The following SMYD3 variants were observed in gnomAD, a reference collection of about 807,000 sequenced individuals.
The protein encoded by SMYD3 is histone-lysine N-methyltransferase SMYD3.
Under a neutral mutation model 57.7 loss-of-function variants are expected in SMYD3, and 36 were observed. The observed-to-expected ratio is 0.62, with a 90% CI of 0.48 to 0.82. SMYD3 has a LOEUF of 0.82. Among genes scored for constraint, SMYD3 ranks in the 40% least tolerant of loss-of-function variants. The pLI, the probability that SMYD3 is intolerant of heterozygous loss-of-function variation, is 0.00. For missense variants in SMYD3, 515 were observed against 538.8 expected, an observed-to-expected ratio of 0.96 and a Z score of 0.44; for synonymous variants, 211 against 195.0, an observed-to-expected ratio of 1.08 and a Z score of -0.68.
chr1:246,424,059 T>C (rs2067183830), intron 1 of SMYD3, among the ~76,000 whole-genome samples: 1 of 152,090 alleles, frequency 6.6e-6, no homozygotes, highest in Non-Finnish European at 1.5e-5. Flanking sequence ...AAGGAAGTTC[T>C]TCAGGTTAAA....
intron 5 of SMYD3, among the ~76,000 whole-genome samples, chr1:246,226,806 G>A (rs2063336983): frequency 6.6e-6 from 1 of 152,096 alleles, no homozygotes; most frequent in Non-Finnish European, 1.5e-5. Context: ...ACTCCAAGAA[G>A]GCAACAGAAT....
At chr1:246,044,626 A>G (rs1405363303) in intron 5 of SMYD3, among the ~76,000 whole-genome samples, 1 of 152,188 alleles carries the variant, frequency 6.6e-6, no homozygotes, top group Non-Finnish European at 1.5e-5. Context: ...TAGCAATTTT[A>G]CCAGAACTCT....
intron 5 of SMYD3, among the ~76,000 whole-genome samples, chr1:246,124,673 C>A (rs1035969698): frequency 1.3e-5 from 2 of 152,008 alleles, no homozygotes; most frequent in African/African-American, 4.8e-5. Context: ...GACATAAGGC[C>A]GGAGAGGGAC....
chr1:245,889,280 A>G (rs925315599), intron 8 of SMYD3, among the ~76,000 whole-genome samples: 1 of 152,230 alleles, frequency 6.6e-6, no homozygotes, highest in Non-Finnish European at 1.5e-5. Context: ...TTATTTTTGC[A>G]TGGCACCATG....
chr1:246,102,755 A>AAAAAATAATAAT (rs200094097), intron 5 of SMYD3, among the ~76,000 whole-genome samples: 10 of 146,922 alleles, frequency 6.8e-5, no homozygotes, highest in African/African-American at 2.5e-4. Context: ...AAAAAAAAAA[A>AAAAAATAATAAT]AATAATAATA....
chr1:245,977,383 A>G (rs961172372), intron 5 of SMYD3, among the ~76,000 whole-genome samples: 4 of 152,130 alleles, frequency 2.6e-5, no homozygotes, highest in African/African-American at 9.7e-5. Context: ...CTTAATCACA[A>G]AACCGAAAGG....
At position 246,202,013 on chromosome 1, in the gene SMYD3, TAA is replaced by T. The variant is rs11433640; in HGVS notation, c.531+125186_531+125187del. ...GGGCAACAGAGACTCTGTCTCAATT[TAA>T]AAAAAAAAAACAAAAAAAAGCCATT... On this transcript the variant is annotated intron_variant, in intron 5 of 11. Transcript: ENST00000490107. The surrounding 1 kb of genome is among the most constrained non-coding windows in gnomAD (Gnocchi z 4.1). Among the ~76,000 whole-genome samples, 1 of 134,832 alleles carries T rather than the reference TAA, an allele frequency of 7.4e-6. No homozygotes were observed. 88.5% of individuals were successfully genotyped at this position (134,832 alleles called of 152,430 possible). A position where few individuals can be genotyped will look rare whatever the true frequency, so the allele number is the denominator to read the frequency against.
intron 5 of SMYD3, among the ~76,000 whole-genome samples, chr1:246,199,105 C>T (rs144208291): frequency 5.2e-4 from 79 of 151,300 alleles, no homozygotes; most frequent in African/African-American, 1.8e-3. Flanking sequence ...GGTAGTTTTT[C>T]AGCCCTTGCC....
chr1:246,283,483 T>C (rs1256082551), intron 5 of SMYD3, among the ~76,000 whole-genome samples: 1 of 152,194 alleles, frequency 6.6e-6, no homozygotes, highest in Non-Finnish European at 1.5e-5. Flanking sequence ...CATCTTGCTT[T>C]CCTTCCTCAC....
intron 5 of SMYD3, among the ~76,000 whole-genome samples, chr1:245,982,920 T>A (rs1294120711): frequency 6.6e-6 from 1 of 152,228 alleles, no homozygotes; most frequent in Non-Finnish European, 1.5e-5. Context: ...AAAGGTTCCC[T>A]TATACAGTTG....
intron 10 of SMYD3, among the ~76,000 whole-genome samples, chr1:245,793,614 T>A (rs1429882562): frequency 6.6e-6 from 1 of 151,590 alleles, no homozygotes; most frequent in African/African-American, 2.4e-5. Flanking sequence ...TCTTGGTCTC[T>A]CAATCCCTGC....
intron 1 of SMYD3, among the ~76,000 whole-genome samples, chr1:246,461,712 C>T (rs2067800322): frequency 1.6e-5 from 2 of 122,694 alleles, no homozygotes; most frequent in South Asian, 2.6e-4. Context: ...CCAGCCTGGG[C>T]AACAGAACTG....
intron 5 of SMYD3, among the ~76,000 whole-genome samples, chr1:246,262,328 T>C (rs1399406317): frequency 6.6e-6 from 1 of 152,236 alleles, no homozygotes; most frequent in Non-Finnish European, 1.5e-5. Context: ...ATCTTGACAT[T>C]GCTTGAGAAT....
intron 5 of SMYD3, among the ~76,000 whole-genome samples, chr1:246,235,521 G>T (rs1005348705): frequency 6.6e-6 from 1 of 151,980 alleles, no homozygotes; most frequent in East Asian, 1.9e-4. Flanking sequence ...GTCAGGCTCT[G>T]CAGGATGTCT....
intron 5 of SMYD3, among the ~76,000 whole-genome samples, chr1:246,217,724 G>GA (rs772526313): frequency 6.6e-6 from 1 of 151,564 alleles, no homozygotes; most frequent in Non-Finnish European, 1.5e-5. Context: ...GTCTAGCTAG[G>GA]AAAAAAAATA....
intron 5 of SMYD3, among the ~76,000 whole-genome samples, chr1:246,312,763 G>A (rs1327198690): frequency 6.6e-6 from 1 of 152,164 alleles, no homozygotes; most frequent in African/African-American, 2.4e-5. Flanking sequence ...CAGGTAACCA[G>A]AGACAAATCA....
At chr1:246,239,973 A>G (rs10924595) in intron 5 of SMYD3, among the ~76,000 whole-genome samples, 40,577 of 151,964 alleles carry the variant, frequency 0.27, 6,113 homozygotes, top group East Asian at 0.58. Flanking sequence ...TAAGTTCTTT[A>G]TAGTTTCTGG....
chr1:246,110,617 GTGCT>G (rs1424312469), intron 5 of SMYD3, among the ~76,000 whole-genome samples: 2 of 152,176 alleles, frequency 1.3e-5, no homozygotes, highest in African/African-American at 2.4e-5. Context: ...GACAGATCTG[GTGCT>G]CTCTCTCTTT....
Position 245,863,895 on chromosome 1 carries a change from G to C in SMYD3, c.814-9C>G, listed in dbSNP as rs772864668. The C allele has an allele frequency of 8.7e-6, 14 of 1,613,036 alleles. No homozygotes were observed. Among genetic ancestry groups the C allele is most frequent in the Non-Finnish European group, 1.0e-5 (12 of 1,179,226 alleles). ...GTTAGCATATCAGCATCCTGCTCAG[G>C]CCAGAAAAGGAAGACAAATAATCTA... On this transcript the variant is annotated splice_polypyrimidine_tract_variant and intron_variant, in intron 8 of 11. Transcript: ENST00000490107.
Sources: gnomAD v4.1 joint callset for allele counts (sites outside exome capture counted in the v4.1 genomes callset) on GRCh38, gnomAD v4.1.1 for gene constraint, Gnocchi (gnomAD v3.1) non-coding constraint, MANE v1.5 for transcripts, NCBI Gene and HGNC (gene_info 2026-07-23, HGNC 2026-07-21) for gene names.